KIAA1671: variants seen among roughly 807,000 people sequenced by gnomAD.
KIAA1671 encodes KIAA1671.
In KIAA1671, 52 loss-of-function variants were observed where a neutral mutation model predicts 131.2. That is an observed-to-expected ratio of 0.40 (90% confidence interval 0.32 to 0.50). The LOEUF is 0.50. Among genes scored for constraint, KIAA1671 ranks in the 20% least tolerant of loss-of-function variants. KIAA1671 has a pLI of 0.73. For synonymous variants in KIAA1671, 1,003 were observed against 961.6 expected (o/e 1.04, Z -0.80); for missense variants, 2,360 against 2,364.2 (o/e 1.00, Z 0.04).
At chr22:25,145,670 G>A (rs1042217214) in intron 6 of KIAA1671, among the ~76,000 whole-genome samples, 10 of 152,226 alleles carry the variant, frequency 6.6e-5, no homozygotes, top group Admixed American at 5.2e-4. Flanking sequence ...CGGGCACAAT[G>A]GCTCACGCCT....
intron 6 of KIAA1671, among the ~76,000 whole-genome samples, chr22:25,085,932 G>T (rs1401507954): frequency 6.6e-6 from 1 of 152,132 alleles, no homozygotes; most frequent in Non-Finnish European, 1.5e-5. Context: ...ATGGATGAGT[G>T]AGACTCTTTG....
chr22:25,042,023 C>T lies in KIAA1671; in HGVS notation c.4395+498C>T, dbSNP rs373577819. Among the ~76,000 whole-genome samples the T allele has an allele frequency of 2.9e-3, 434 of 152,268 alleles. 4 individuals are homozygous for T. The highest frequency in any genetic ancestry group is 9.1e-3 in the African/African-American group (378 of 41,548). ...CCTCCCAAAGTGCTGGGATGACAGG[C>T]GTGTGCCACCATGCCTGGCCCAGCT... On this transcript the variant is annotated intron_variant, in intron 5 of 12. Transcript: ENST00000358431.
At chr22:25,146,973 T>C (rs1419875242) in intron 6 of KIAA1671, among the ~76,000 whole-genome samples, 1 of 151,912 alleles carries the variant, frequency 6.6e-6, no homozygotes, top group Non-Finnish European at 1.5e-5. Flanking sequence ...AACCTAACAC[T>C]TTGTGTGCCT....
chr22:24,979,542 G>A (rs1024361139), intron 1 of KIAA1671, among the ~76,000 whole-genome samples: 1 of 149,748 alleles, frequency 6.7e-6, no homozygotes, highest in Non-Finnish European at 1.5e-5. Flanking sequence ...GTAGAGACAG[G>A]GTTTCACTGT....
At chr22:25,176,642 C>T (rs1313051771) in intron 8 of KIAA1671, 1 of 152,278 alleles carries the variant, frequency 6.6e-6, no homozygotes, top group Non-Finnish European at 1.5e-5. Context: ...AACCCCAGCT[C>T]TGAGCACTTC....
intron 1 of KIAA1671, among the ~76,000 whole-genome samples, chr22:25,001,735 C>G (rs1924491305): frequency 6.6e-6 from 1 of 152,158 alleles, no homozygotes; most frequent in Non-Finnish European, 1.5e-5. Context: ...TCTTGCCAGG[C>G]TTGTCCAGCC....
At chr22:25,151,131 G>A (rs1933025407) in intron 6 of KIAA1671, among the ~76,000 whole-genome samples, 1 of 151,722 alleles carries the variant, frequency 6.6e-6, no homozygotes, top group South Asian at 2.1e-4. Context: ...ACTGCGCCCG[G>A]CCCCTTTGCT....
intron 6 of KIAA1671, among the ~76,000 whole-genome samples, chr22:25,164,959 AAAG>A (rs1379086193): frequency 7.6e-5 from 8 of 105,850 alleles, no homozygotes; most frequent in Non-Finnish European, 1.2e-4. Flanking sequence ...AAAAAAAAAA[AAAG>A]AGAGAGAGTT....
intron 6 of KIAA1671, among the ~76,000 whole-genome samples, chr22:25,128,998 T>C (rs1260661608): frequency 6.6e-6 from 1 of 152,134 alleles, no homozygotes; most frequent in African/African-American, 2.4e-5. Flanking sequence ...CTCCTGAGGA[T>C]GGAGACCAAG....
chr22:25,079,594 G>T (rs1049358583), intron 6 of KIAA1671, among the ~76,000 whole-genome samples: 3 of 152,290 alleles, frequency 2.0e-5, no homozygotes, highest in Non-Finnish European at 4.4e-5. Context: ...TAGGCCAGGG[G>T]AGCTTGGGGG....
intron 6 of KIAA1671, among the ~76,000 whole-genome samples, chr22:25,067,833 G>C (rs1054887627): frequency 6.6e-6 from 1 of 152,212 alleles, no homozygotes; most frequent in African/African-American, 2.4e-5. Flanking sequence ...TGTGTTTATG[G>C]CAACAGTCAT....
chr22:25,003,967 G>A (rs964243058), intron 1 of KIAA1671, among the ~76,000 whole-genome samples: 8 of 150,682 alleles, frequency 5.3e-5, no homozygotes, highest in South Asian at 2.1e-4. Context: ...ACAGGCGCGC[G>A]CCACCACACG....
At chr22:25,176,595 A>T (rs1362943546) in intron 8 of KIAA1671, 1 of 152,234 alleles carries the variant, frequency 6.6e-6, no homozygotes, top group African/African-American at 2.4e-5. Context: ...TCATTGCCCA[A>T]GGTCACATAA....
intron 1 of KIAA1671, among the ~76,000 whole-genome samples, chr22:25,018,622 T>G (rs1925477477): frequency 6.6e-6 from 1 of 152,200 alleles, no homozygotes; most frequent in South Asian, 2.1e-4. Context: ...ATTTGCCTAT[T>G]CTAAACACCT....
chr22:25,146,805 A>G (rs1230689242), intron 6 of KIAA1671, among the ~76,000 whole-genome samples: 1 of 152,230 alleles, frequency 6.6e-6, no homozygotes, highest in African/African-American at 2.4e-5. Flanking sequence ...TCAGTGCCCA[A>G]TCAGTGTTTA....
rs765521366 is a variant in KIAA1671 at position 25,034,025 on chromosome 22, C to A, written c.1629+1329C>A. Among the ~76,000 whole-genome samples the A allele has an allele frequency of 4.7e-3, 702 of 150,516 alleles. 4 individuals are homozygous for A. Among genetic ancestry groups the A allele is most frequent in the Non-Finnish European group, 4.8e-3 (327 of 67,792 alleles). ...GAATAGCGAACATCTCCATCCCAGG[C>A]AAAAGGTTCCTCATGCCACTTTGTT... On this transcript the variant is annotated intron_variant, in intron 4 of 12. Coordinates refer to ENST00000358431, the MANE Select transcript of KIAA1671 (RefSeq NM_001145206.2).
rs1198577896 is a variant in KIAA1671, at chr22:25,038,834, G to T, written c.1704G>T (p.Lys568Asn). 7 of 1,551,780 alleles carry T rather than the reference G, an allele frequency of 4.5e-6. No individual in the cohort carries two copies. Among genetic ancestry groups the T allele is most frequent in the Middle Eastern group, 1.7e-4 (1 of 6,014 alleles). ...SPWKPGTLRD[K>N]SRQTEQKVSS... ...GGAAGCCTGGGACACTCCGGGATAA[G>T]TCCAGGCAGACGGAGCAGAAGGTTA... Residue 568 changes from lysine to asparagine, a missense_variant, in exon 5 of 13, where the codon AAG (lysine) becomes AAT (asparagine). Coordinates refer to ENST00000358431, the MANE Select transcript of KIAA1671 (RefSeq NM_001145206.2).
rs967572454 is a variant in KIAA1671 at position 25,181,640 on chromosome 22, T to C, written c.5075-59T>C. 6 of 1,545,482 alleles carry C rather than the reference T, an allele frequency of 3.9e-6. No homozygotes were observed. In the East Asian group the frequency reaches 7.4e-5, roughly 19 times the overall value. ...GATACTGTGTGCAAATTATCTGGCA[T>C]GTAGGACCTCAATACATGGCAGCTG... On this transcript the variant is annotated intron_variant, in intron 9 of 12. Transcript: ENST00000358431.
rs992985252 is a variant in KIAA1671, at chr22:24,979,059, G to A, written c.-208+26287G>A. ...TGCCCAGGCTGGAGTGCAGTGGTGC[G>A]ATCTTGCCTCACTGCAACCTCTGCC... On this transcript the variant is annotated intron_variant, in intron 1 of 12. Coordinates refer to ENST00000358431, the MANE Select transcript of KIAA1671 (RefSeq NM_001145206.2). Among the ~76,000 whole-genome samples, 86 of 149,038 alleles carry A rather than the reference G, an allele frequency of 5.8e-4. 1 individual carries two copies. The highest frequency in any genetic ancestry group is 1.9e-3 in the African/African-American group (77 of 40,400).
Sources: gnomAD v4.1 joint callset for allele counts (sites outside exome capture counted in the v4.1 genomes callset) on GRCh38, gnomAD v4.1.1 for gene constraint, MANE v1.5 for transcripts, NCBI Gene and HGNC (gene_info 2026-07-23, HGNC 2026-07-21) for gene names.